Variants in FAT4 observed in about 807,000 individuals in gnomAD.
The protein encoded by FAT4 is FAT atypical cadherin 4, also known as protocadherin Fat 4.
Under a neutral mutation model 303.9 loss-of-function variants are expected in FAT4, and 84 were observed. The ratio of observed to expected loss-of-function variants is 0.28; its 90% CI spans 0.23 to 0.33. The LOEUF is 0.33. FAT4 is among the 10% of genes least tolerant of loss of function. The pLI, the probability that FAT4 is intolerant of heterozygous loss-of-function variation, is 1.00. For synonymous variants in FAT4, 2,307 were observed against 2,298.8 expected (o/e 1.00, Z -0.10); for missense variants, 6,005 against 6,146.8 (o/e 0.98, Z 0.77).
chr4:125,322,935 A>G (rs1225767515), intron 2 of FAT4, among the ~76,000 whole-genome samples: 8 of 152,106 alleles, frequency 5.3e-5, no homozygotes, highest in Admixed American at 4.6e-4. Flanking sequence ...TATTTAAAAA[A>G]TATTTTAATA....
chr4:125,365,921 CAGG>C (rs1325627590), intron 2 of FAT4, among the ~76,000 whole-genome samples: 2 of 152,132 alleles, frequency 1.3e-5, no homozygotes, highest in African/African-American at 2.4e-5. Context: ...GGACGCACAG[CAGG>C]AGGTGAGCGG....
At chr4:125,379,649 A>G (rs1212309773) in intron 2 of FAT4, among the ~76,000 whole-genome samples, 1 of 151,830 alleles carries the variant, frequency 6.6e-6, no homozygotes, top group Non-Finnish European at 1.5e-5. Flanking sequence ...TAGTGGAGAC[A>G]TGGTTTCACC....
chr4:125,479,103 G>A (rs946116369), intron 14 of FAT4, among the ~76,000 whole-genome samples: 3 of 152,054 alleles, frequency 2.0e-5, no homozygotes, highest in Non-Finnish European at 4.4e-5. Flanking sequence ...TAGCTGAAAA[G>A]ATATTCTACC....
intron 14 of FAT4, among the ~76,000 whole-genome samples, chr4:125,479,358 G>A (rs976388434): frequency 1.3e-5 from 2 of 152,104 alleles, no homozygotes; most frequent in South Asian, 2.1e-4. Context: ...CATATGGTAG[G>A]CATTCAATAA....
rs1457978604 is a variant in FAT4, at chr4:125,449,677, T to G, written c.8667T>G (p.Ile2889Met). 1.2e-6 allele frequency: 2 copies of G among 1,613,852 alleles called. No homozygotes were observed. Among genetic ancestry groups the G allele is most frequent in the African/African-American group, 2.7e-5 (2 of 74,902 alleles). Residue 2889 changes from isoleucine to methionine, a missense_variant, in exon 10 of 18, where the codon ATT becomes ATG. Coordinates refer to ENST00000394329, the MANE Select transcript of FAT4 (RefSeq NM_001291303.3). ...YYLDCPELTE[I>M]GSKVTQVFAT... is the part of the protein sequence containing the mutation. ...TAGATTGCCCTGAACTTACTGAGAT[T>G]GGCTCCAAAGTAACTCAGGTATTTG...
At chr4:125,459,893 GT>G (rs887950873) in intron 10 of FAT4, among the ~76,000 whole-genome samples, 9 of 152,008 alleles carry the variant, frequency 5.9e-5, no homozygotes, top group African/African-American at 1.9e-4. Context: ...TACAATTTAA[GT>G]AGATAGACTT....
chr4:125,340,404 G>A (rs1731740442), intron 2 of FAT4, among the ~76,000 whole-genome samples: 2 of 145,616 alleles, frequency 1.4e-5, no homozygotes, highest in South Asian at 2.2e-4. Flanking sequence ...TTTTTTTTGA[G>A]ACGGAGCCTC....
chr4:125,329,583 A>G (rs1731296062), intron 2 of FAT4, among the ~76,000 whole-genome samples: 1 of 152,122 alleles, frequency 6.6e-6, no homozygotes, highest in African/African-American at 2.4e-5. Context: ...TCCCTTGAGG[A>G]TCTCAATCTC....
intron 17 of FAT4, among the ~76,000 whole-genome samples, chr4:125,489,436 C>T (rs375544641): frequency 2.6e-5 from 4 of 152,160 alleles, no homozygotes; most frequent in African/African-American, 9.7e-5. Context: ...ACCTATGTTC[C>T]ACACCTTTGG....
intron 13 of FAT4, 30 bp from the exon 14 acceptor site, chr4:125,477,125 T>C: frequency 7.6e-7 from 1 of 1,318,544 alleles, no homozygotes; most frequent in Non-Finnish European, 9.8e-7. Flanking sequence ...CTTTTGACAC[T>C]AATATTTATA....
At chr4:125,484,093 ACACG>A (rs1380737392) in intron 16 of FAT4, among the ~76,000 whole-genome samples, 1 of 147,996 alleles carries the variant, frequency 6.8e-6, no homozygotes, top group East Asian at 2.1e-4. Context: ...ACACACACAC[ACACG>A]CAGACAGAAG....
intron 7 of FAT4, among the ~76,000 whole-genome samples, chr4:125,424,551 A>G (rs1221993452): frequency 6.6e-6 from 1 of 152,172 alleles, no homozygotes; most frequent in Non-Finnish European, 1.5e-5. Flanking sequence ...AGGGATTAAC[A>G]CAGTCAGTGA....
At chr4:125,379,127 T>G (rs1203510377) in intron 2 of FAT4, among the ~76,000 whole-genome samples, 1 of 152,310 alleles carries the variant, frequency 6.6e-6, no homozygotes, top group South Asian at 2.1e-4. Context: ...TAAAGCTTTT[T>G]AATGTCTTTG....
At chr4:125,402,333 T>G (rs530999831) in intron 3 of FAT4, among the ~76,000 whole-genome samples, 285 of 152,034 alleles carry the variant, frequency 1.9e-3, no homozygotes, top group African/African-American at 6.6e-3. Context: ...ATGTAGCTAC[T>G]TCCATACCTC....
At position 125,319,589 on chromosome 4, in the gene FAT4, C is replaced by A; in HGVS notation, c.3178C>A (p.Arg1060Ser). The A allele has an allele frequency of 1.9e-6, 3 of 1,613,858 alleles. No individual in the cohort carries two copies. The highest frequency in any genetic ancestry group is 2.5e-6 in the Non-Finnish European group (3 of 1,179,776). ...ATTGTATATAAAAAGTGAACTGGAC[C>A]GTGAACTTCAAGACAGATATGTTTT... Reference protein sequence around the residue: ...GQLYIKSELDRELQDRYVLMV... With the variant: ...GQLYIKSELDSELQDRYVLMV... Residue 1060 changes from arginine (R) to serine (S), a missense_variant, in exon 2 of 18, where the codon CGT (arginine) becomes AGT (serine). Arg to Ser is a moderately radical substitution (Grantham distance 110). Coordinates refer to ENST00000394329, the MANE Select transcript of FAT4 (RefSeq NM_001291303.3).
intron 2 of FAT4, among the ~76,000 whole-genome samples, chr4:125,395,548 A>G (rs1734137706): frequency 6.6e-6 from 1 of 151,986 alleles, no homozygotes; most frequent in Admixed American, 6.6e-5. Context: ...GCTTGTCCTG[A>G]CCTCAGGTGA....
intron 10 of FAT4, among the ~76,000 whole-genome samples, chr4:125,460,986 T>C (rs1726463898): frequency 6.6e-6 from 1 of 152,144 alleles, no homozygotes; most frequent in Non-Finnish European, 1.5e-5. Context: ...TTGTGTATAC[T>C]TGAAGAATCA....
Position 125,318,348 on chromosome 4 carries a change from C to T in FAT4, c.1937C>T (p.Ser646Phe). 6.2e-7 allele frequency: 1 copy of T among 1,614,206 alleles called. No homozygotes were observed. The highest frequency in any genetic ancestry group is 1.6e-4 in the Middle Eastern group (1 of 6,062). Reference protein sequence around the residue: ...PVSGRLSTISSLDREEQAFYS... With the variant: ...PVSGRLSTISFLDREEQAFYS... ...TCTGGGAGGTTGAGTACTATTTCCT[C>T]CTTGGACAGAGAAGAGCAAGCCTTC... Residue 646 changes from serine (S) to phenylalanine (F), a missense_variant, in exon 2 of 18, where the codon TCC becomes TTC. Transcript: ENST00000394329.
chr4:125,463,731 T>G, intron 11 of FAT4, 64 bp downstream of exon 11: 1 of 1,167,512 alleles, frequency 8.6e-7, no homozygotes, highest in Non-Finnish European at 1.2e-6. Context: ...TTAGCAATTT[T>G]GTTTTATTAT....
Sources: allele counts gnomAD v4.1 joint callset (sites outside exome capture counted in the v4.1 genomes callset), GRCh38; gene constraint gnomAD v4.1.1; transcripts MANE v1.5; gene names NCBI Gene and HGNC (gene_info 2026-07-23, HGNC 2026-07-21).